SUPT3H: variants seen among roughly 807,000 people sequenced by gnomAD.
SUPT3H encodes the protein SPT3 homolog, SAGA and STAGA complex component, also known as transcription initiation protein SPT3 homolog.
In SUPT3H, 44 loss-of-function variants were observed where a neutral mutation model predicts 44.3. The ratio of observed to expected loss-of-function variants is 0.99; its 90% CI spans 0.78 to 1.28. The LOEUF (loss-of-function observed/expected upper bound fraction) is 1.28, where lower values mean the gene tolerates loss of function less well. Ranked by LOEUF, SUPT3H falls within the 50% of genes most tolerant of loss-of-function variation. The probability of loss-of-function intolerance (pLI) is 0.00; values close to 1 mark genes in which losing one functional copy is unlikely to be tolerated. For missense variants in SUPT3H, 380 were observed against 387.1 expected (o/e 0.98, Z 0.15); for synonymous variants, 124 against 125.6 (o/e 0.99, Z 0.09).
chr6:44,984,334 C>A (rs753793711), intron 6 of SUPT3H, among the ~76,000 whole-genome samples: 18 of 152,016 alleles, frequency 1.2e-4, no homozygotes, highest in Non-Finnish European at 2.1e-4. Flanking sequence ...TAAAGCATAG[C>A]TCAACAAGGA....
chr6:44,872,531 C>T (rs919470440), intron 10 of SUPT3H, among the ~76,000 whole-genome samples: 2 of 152,208 alleles, frequency 1.3e-5, no homozygotes, highest in African/African-American at 2.4e-5. Flanking sequence ...CCGGTACCAG[C>T]CACTGCAAAA....
chr6:44,881,150 C>A (rs1309606956), intron 10 of SUPT3H, among the ~76,000 whole-genome samples: 2 of 152,084 alleles, frequency 1.3e-5, no homozygotes, highest in Non-Finnish European at 2.9e-5. Flanking sequence ...AGACCCATCT[C>A]ATGTGCAAAG....
chr6:44,889,538 C>T (rs536362110), intron 10 of SUPT3H, among the ~76,000 whole-genome samples: 1 of 152,276 alleles, frequency 6.6e-6, no homozygotes, highest in Non-Finnish European at 1.5e-5. Context: ...ATAAATGGTG[C>T]TGGGAAAACT....
chr6:45,268,843 T>C (rs1295075577), intron 2 of SUPT3H, among the ~76,000 whole-genome samples: 1 of 152,216 alleles, frequency 6.6e-6, no homozygotes, highest in African/African-American at 2.4e-5. Flanking sequence ...TTCATCCTAG[T>C]CAAAATTATT....
intron 10 of SUPT3H, among the ~76,000 whole-genome samples, chr6:44,854,377 T>C (rs557644651): frequency 3.9e-5 from 6 of 152,270 alleles, no homozygotes; most frequent in Middle Eastern, 3.4e-3. Context: ...ACTCTCTTCA[T>C]AGCAGCCTGA....
intron 2 of SUPT3H, among the ~76,000 whole-genome samples, chr6:45,348,073 C>T (rs1298797920): frequency 6.6e-6 from 1 of 151,992 alleles, no homozygotes; most frequent in African/African-American, 2.4e-5. Flanking sequence ...CTCTAAATGG[C>T]CTGCTTATGT....
chr6:44,859,221 A>G (rs1774222846), intron 10 of SUPT3H, among the ~76,000 whole-genome samples: 1 of 152,198 alleles, frequency 6.6e-6, no homozygotes, highest in South Asian at 2.1e-4. Flanking sequence ...TCTTAGTGAA[A>G]GGTATTTGTG....
At chr6:45,044,929 C>A (rs1010325364) in intron 3 of SUPT3H, among the ~76,000 whole-genome samples, 1 of 152,102 alleles carries the variant, frequency 6.6e-6, no homozygotes, top group African/African-American at 2.4e-5. Flanking sequence ...CAGTGAAGGA[C>A]TTTCTCAAAG....
intron 2 of SUPT3H, among the ~76,000 whole-genome samples, chr6:45,123,506 T>C (rs1801975875): frequency 6.6e-6 from 1 of 152,006 alleles, no homozygotes; most frequent in South Asian, 2.1e-4. Context: ...CCCATAGTGC[T>C]GGGATTATAG....
At chr6:44,866,517 CTT>C (rs1377613477) in intron 10 of SUPT3H, among the ~76,000 whole-genome samples, 1 of 35,472 alleles carries the variant, frequency 2.8e-5, no homozygotes, top group South Asian at 1.4e-3. Context: ...AGATCCATCT[CTT>C]AGGAAAATAA....
chr6:45,249,520 AC>A (rs1253825756), intron 2 of SUPT3H, among the ~76,000 whole-genome samples: 1 of 152,112 alleles, frequency 6.6e-6, no homozygotes, highest in African/African-American at 2.4e-5. Context: ...TAGAAAGCAC[AC>A]CCGATGAAAT....
intron 6 of SUPT3H, among the ~76,000 whole-genome samples, chr6:44,970,065 GT>G (rs958142436): frequency 5.3e-5 from 8 of 151,950 alleles, no homozygotes; most frequent in African/African-American, 1.4e-4. Context: ...ATTGAATTCA[GT>G]TTTTTTTATC....
chr6:44,811,502 C>T lies in SUPT3H; in HGVS notation c.*53-2001G>A, dbSNP rs116399634. On this transcript the variant is annotated intron_variant and NMD_transcript_variant, in intron 11 of 11. Coordinates refer to the SUPT3H transcript ENST00000475057. ...TGCCAACTTGGTGAAACTTAAACTA[C>T]TTTCCCATTCCCTACAGGGTTCTGA... Among the ~76,000 whole-genome samples the T allele has an allele frequency of 5.1e-3, 784 of 152,316 alleles. 5 individuals carry two copies. Among genetic ancestry groups the T allele is most frequent in the African/African-American group, 0.018 (732 of 41,564 alleles).
intron 2 of SUPT3H, among the ~76,000 whole-genome samples, chr6:45,176,157 G>A (rs1811780975): frequency 6.6e-6 from 1 of 151,890 alleles, no homozygotes; most frequent in African/African-American, 2.4e-5. Context: ...ATTTCCATCT[G>A]AGGTACTGGG....
At chr6:45,325,884 T>C (rs977876626) in intron 2 of SUPT3H, among the ~76,000 whole-genome samples, 1 of 151,882 alleles carries the variant, frequency 6.6e-6, no homozygotes, top group Non-Finnish European at 1.5e-5. Flanking sequence ...AAAGAGGATA[T>C]ATTTTCGTTT....
chr6:45,258,331 T>G (rs1773754703), intron 2 of SUPT3H, among the ~76,000 whole-genome samples: 1 of 152,192 alleles, frequency 6.6e-6, no homozygotes, highest in Admixed American at 6.5e-5. Flanking sequence ...CAATGGCAAT[T>G]AAATTTCAAC....
intron 5 of SUPT3H, among the ~76,000 whole-genome samples, chr6:45,008,469 C>T (rs2153508585): frequency 6.6e-6 from 1 of 152,246 alleles, no homozygotes; most frequent in Admixed American, 6.5e-5. Flanking sequence ...ATCTTCCCAC[C>T]TCAGCCTCCT....
intron 1 of SUPT3H, chr6:45,371,775 C>CTA: frequency 1.1e-6 from 1 of 943,348 alleles, no homozygotes; most frequent in Non-Finnish European, 1.3e-6. Context: ...GGATAAGCAA[C>CTA]TATAACAGAC....
chr6:45,208,163 G>A (rs1763495996), intron 2 of SUPT3H, among the ~76,000 whole-genome samples: 1 of 152,146 alleles, frequency 6.6e-6, no homozygotes, highest in Non-Finnish European at 1.5e-5. Flanking sequence ...AGTGGTCTGG[G>A]TAGATGATAA....
Sources: allele counts gnomAD v4.1 joint callset (sites outside exome capture counted in the v4.1 genomes callset), GRCh38; gene constraint gnomAD v4.1.1; transcripts MANE v1.5; gene names NCBI Gene and HGNC (gene_info 2026-07-23, HGNC 2026-07-21).